CCDC73: variants seen among roughly 807,000 people sequenced by gnomAD.
The protein encoded by CCDC73 is coiled-coil domain-containing protein 73.
CCDC73 carries 95 observed loss-of-function variants against 116.5 expected under a neutral mutation model. That is an observed-to-expected ratio of 0.82 (90% CI 0.69 to 0.97). The LOEUF (loss-of-function observed/expected upper bound fraction) is 0.97, where lower values mean the gene tolerates loss of function less well. CCDC73 is among the 50% of genes least tolerant of loss of function. The probability of loss-of-function intolerance (pLI) is 0.00; values close to 1 mark genes in which losing one functional copy is unlikely to be tolerated. For missense variants in CCDC73, 1,066 were observed against 1,206.8 expected, an observed-to-expected ratio of 0.88 and a Z score of 1.73; for synonymous variants, 398 against 401.3, an observed-to-expected ratio of 0.99 and a Z score of 0.10.
At chr11:32,817,342 G>A in the CCDC73 span, among the ~76,000 whole-genome samples, 19 of 152,234 alleles carry the variant, frequency 1.2e-4, no homozygotes, top group Non-Finnish European at 2.8e-4. Context: ...TAAAAGGACT[G>A]AATCATTTTT....
At chr11:32,684,159 TG>T (rs1856173065) in intron 6 of CCDC73, among the ~76,000 whole-genome samples, 1 of 152,120 alleles carries the variant, frequency 6.6e-6, no homozygotes, top group Non-Finnish European at 1.5e-5. Flanking sequence ...GCAATCCTCC[TG>T]CTACCTCAGC....
intron 2 of CCDC73, among the ~76,000 whole-genome samples, chr11:32,742,072 G>C (rs1176002503): frequency 1.3e-5 from 2 of 152,070 alleles, no homozygotes; most frequent in South Asian, 2.1e-4. Flanking sequence ...TGGACACCTG[G>C]GTTGGTTCCA....
At chr11:32,757,511 A>C (rs1850354647) in intron 2 of CCDC73, among the ~76,000 whole-genome samples, 1 of 152,152 alleles carries the variant, frequency 6.6e-6, no homozygotes, top group South Asian at 2.1e-4. Flanking sequence ...TGTAACAAAT[A>C]ACAACAAACT....
the CCDC73 span, among the ~76,000 whole-genome samples, chr11:32,800,562 A>T: frequency 1.3e-5 from 2 of 152,206 alleles, no homozygotes; most frequent in African/African-American, 4.8e-5. Context: ...AAACAAACTC[A>T]ACATATGTAT....
intron 13 of CCDC73, among the ~76,000 whole-genome samples, chr11:32,639,453 T>C (rs1195397401): frequency 6.6e-6 from 1 of 151,744 alleles, no homozygotes; most frequent in Admixed American, 6.6e-5. Context: ...AATTCTTTTT[T>C]TTCCTTTTTT....
chr11:32,726,457 G>C (rs994358230), intron 2 of CCDC73, among the ~76,000 whole-genome samples: 2 of 152,066 alleles, frequency 1.3e-5, no homozygotes, highest in African/African-American at 4.8e-5. Flanking sequence ...AACTTGAAGA[G>C]AGGATTATTA....
intron 14 of CCDC73, among the ~76,000 whole-genome samples, chr11:32,628,719 A>T (rs1406782022): frequency 6.6e-6 from 1 of 152,248 alleles, no homozygotes; most frequent in African/African-American, 2.4e-5. Context: ...TGAAATAAAG[A>T]TAGCAAAATC....
At chr11:32,702,782 A>G in intron 4 of CCDC73, 91 bp downstream of exon 4, 1 of 868,996 alleles carries the variant, frequency 1.2e-6, no homozygotes, top group South Asian at 1.4e-5. Flanking sequence ...GTCTTTGGTG[A>G]CTATGGAGAA....
intron 1 of CCDC73, among the ~76,000 whole-genome samples, chr11:32,762,190 T>C (rs11031967): frequency 0.26 from 39,150 of 151,982 alleles, 5,531 homozygotes; most frequent in South Asian, 0.35. Flanking sequence ...TTACTGAAAA[T>C]GATGAGATAT....
At chr11:32,679,632 A>C (rs941542892) in intron 7 of CCDC73, among the ~76,000 whole-genome samples, 2 of 152,070 alleles carry the variant, frequency 1.3e-5, no homozygotes, top group East Asian at 3.9e-4. Context: ...CCAAAGTGCT[A>C]GGATTACAGG....
intron 3 of CCDC73, among the ~76,000 whole-genome samples, chr11:32,712,738 A>G (rs1849911434): frequency 6.6e-6 from 1 of 151,530 alleles, no homozygotes; most frequent in Non-Finnish European, 1.5e-5. Context: ...ATGTACATGT[A>G]TATACTAATT....
rs1486138257 is a variant in CCDC73, at chr11:32,675,646, T to C, written c.566-2A>G. 1.9e-6 allele frequency: 3 copies of C among 1,581,222 alleles called. No individual in the cohort carries two copies. The highest frequency in any genetic ancestry group is 2.6e-6 in the Non-Finnish European group (3 of 1,168,552). ...TGTTTGATTGTATTGCTTCCCGTAC[T>C]GCAACATGAAAGACATTTAAGAAAG... On this transcript the variant is annotated splice_acceptor_variant, in intron 8 of 17. Transcript: ENST00000335185. LOFTEE classifies it high-confidence loss of function.
intron 2 of CCDC73, among the ~76,000 whole-genome samples, chr11:32,741,343 C>G (rs78543615): frequency 2.0e-5 from 3 of 152,076 alleles, no homozygotes; most frequent in Non-Finnish European, 4.4e-5. Flanking sequence ...TTTAAACATA[C>G]GGGTGCTCCA....
chr11:32,608,045 C>G (rs1187279829), intron 17 of CCDC73, among the ~76,000 whole-genome samples: 1 of 152,166 alleles, frequency 6.6e-6, no homozygotes, highest in Non-Finnish European at 1.5e-5. Flanking sequence ...ATTCTATTAC[C>G]TCCCACCAGG....
At chr11:32,724,867 A>G (rs1448093974) in intron 2 of CCDC73, among the ~76,000 whole-genome samples, 2 of 152,210 alleles carry the variant, frequency 1.3e-5, no homozygotes, top group Admixed American at 1.3e-4. Flanking sequence ...AATTCTATCT[A>G]TGTGTTAAGG....
At chr11:32,790,108 G>C (rs968833388) in intron 1 of CCDC73, among the ~76,000 whole-genome samples, 3 of 152,004 alleles carry the variant, frequency 2.0e-5, no homozygotes, top group Non-Finnish European at 2.9e-5. Flanking sequence ...GTAAGGCTGA[G>C]AGAAGATGAG....
intron 9 of CCDC73, among the ~76,000 whole-genome samples, chr11:32,655,398 AC>A (rs1432776833): frequency 3.3e-5 from 5 of 152,238 alleles, no homozygotes; most frequent in African/African-American, 1.2e-4. Context: ...TGAATAAAAA[AC>A]ATAAACTGTA....
At chr11:32,677,097 C>T (rs759460306) in intron 7 of CCDC73, among the ~76,000 whole-genome samples, 39 of 152,192 alleles carry the variant, frequency 2.6e-4, no homozygotes, top group Middle Eastern at 3.4e-3. Flanking sequence ...TTCCCAACTG[C>T]TTCACTTTCT....
intron 2 of CCDC73, among the ~76,000 whole-genome samples, chr11:32,720,178 T>G (rs957183377): frequency 1.7e-4 from 26 of 152,138 alleles, no homozygotes; most frequent in African/African-American, 6.3e-4. Context: ...AACAATATAA[T>G]TTAAAAATTA....
Sources: allele counts gnomAD v4.1 joint callset (sites outside exome capture counted in the v4.1 genomes callset), GRCh38; gene constraint gnomAD v4.1.1; transcripts MANE v1.5; gene names NCBI Gene and HGNC (gene_info 2026-07-23, HGNC 2026-07-21).